The following SNX32 variants were observed in gnomAD, a reference collection of about 807,000 sequenced individuals.
The protein encoded by SNX32 is sorting nexin-32.
SNX32 carries 58 observed loss-of-function variants against 57.0 expected under a neutral mutation model. The observed-to-expected ratio is 1.02, with a 90% CI of 0.82 to 1.27. The LOEUF is 1.27. Ranked by LOEUF, SNX32 falls within the 50% of genes most tolerant of loss-of-function variation. SNX32 has a pLI of 0.00. For missense variants in SNX32, 589 were observed against 541.2 expected (o/e 1.09, Z -0.88); for synonymous variants, 262 against 220.4 (o/e 1.19, Z -1.67).
intron 2 of SNX32, 36 bp from the exon 3 acceptor site, chr11:65,849,884 C>T: frequency 6.6e-7 from 1 of 1,508,968 alleles, no homozygotes; most frequent in Non-Finnish European, 9.0e-7. Context: ...GGGCTTGGGG[C>T]AGAGAGAGGA....
Position 65,850,554 on chromosome 11 carries a change from T to C in SNX32, c.498T>C (p.Asp166=). 6.2e-7 allele frequency: 1 copy of C among 1,605,180 alleles called. No homozygotes were observed. Among genetic ancestry groups the C allele is most frequent in the Non-Finnish European group, 8.5e-7 (1 of 1,175,714 alleles). ...TTGTGTTTTTGGAATATGGACAGGA[T>C]GTGAGCTGGGCCGAATCCCTGGGGT... ...NFFVFLEYGQ[D]LSVRGKNRKE... The change falls in exon 5 of 13, where the codon GAT becomes GAC. Residue 166 remains aspartate, a splice_region_variant and synonymous_variant. Coordinates refer to ENST00000308342, the MANE Select transcript of SNX32 (RefSeq NM_152760.3).
chr11:65,848,155 G>A (rs1270584698), intron 1 of SNX32, among the ~76,000 whole-genome samples: 1 of 152,166 alleles, frequency 6.6e-6, no homozygotes, highest in African/African-American at 2.4e-5. Context: ...AGCAGAGAGA[G>A]GAGAGAGTGA....
chr11:65,844,671 A>G (rs1858938677), intron 1 of SNX32, among the ~76,000 whole-genome samples: 1 of 152,210 alleles, frequency 6.6e-6, no homozygotes, highest in Non-Finnish European at 1.5e-5. Context: ...TTAGGTCAAA[A>G]GTCCTCAAAA....
intron 9 of SNX32, 46 bp downstream of exon 9, chr11:65,851,725 CAGGGAAGATGAGTCCTGGCAG>C (rs1480045974): frequency 6.2e-7 from 1 of 1,602,170 alleles, no homozygotes; most frequent in South Asian, 1.1e-5. Context: ...GTGAGCTTTG[CAGGGAAGATGAGTCCTGGCAG>C]AGGGAAGAGC....
At position 65,852,897 on chromosome 11, in the gene SNX32, G is replaced by C. The variant is rs138424932; in HGVS notation, c.1097G>C (p.Arg366Pro). Residue 366 changes from arginine to proline, a missense_variant, in exon 12 of 13, where the codon CGG becomes CCG. Arg to Pro is a moderately radical substitution (Grantham distance 103, BLOSUM62 -2). Transcript: ENST00000308342. ...GAGCTCATGGACTTCAAGTCCCGCC[G>C]GGTCTCCTCTTTTCGAAAGAATCTC... ...KQELMDFKSR[R>P]VSSFRKNLIE... The C allele has an allele frequency of 6.2e-7, 1 of 1,614,086 alleles. No individual in the cohort carries two copies. The highest frequency in any genetic ancestry group is 1.1e-5 in the South Asian group (1 of 91,076).
At chr11:65,844,637 C>A (rs1267823030) in intron 1 of SNX32, among the ~76,000 whole-genome samples, 1 of 152,158 alleles carries the variant, frequency 6.6e-6, no homozygotes, top group Non-Finnish European at 1.5e-5. Context: ...CTAAGCAATT[C>A]TCATGCCCAA....
intron 1 of SNX32, among the ~76,000 whole-genome samples, chr11:65,837,618 G>A (rs989529139): frequency 2.0e-5 from 3 of 151,968 alleles, no homozygotes; most frequent in South Asian, 2.1e-4. Flanking sequence ...TCAGGAGTTC[G>A]AGACCAGCCT....
intron 1 of SNX32, among the ~76,000 whole-genome samples, chr11:65,848,889 T>C (rs1859076277): frequency 6.6e-6 from 1 of 152,110 alleles, no homozygotes; most frequent in African/African-American, 2.4e-5. Flanking sequence ...ATGCCTGTAA[T>C]CTCAGCACTT....
chr11:65,834,054 C>A lies in SNX32; in HGVS notation c.-12C>A. On this transcript the variant is annotated 5_prime_UTR_variant, in exon 1 of 13. Transcript: ENST00000308342. Reference sequence around the variant, plus strand: ...CGCGGGCAGTGGCCGGACGCTGAAGCCCAGGAGAGCGATGGAGACGTATGC... The same window carrying A: ...CGCGGGCAGTGGCCGGACGCTGAAGACCAGGAGAGCGATGGAGACGTATGC... 6.4e-7 allele frequency: 1 copy of A among 1,550,708 alleles called. No individual in the cohort carries two copies. The highest frequency in any genetic ancestry group is 1.2e-5 in the South Asian group (1 of 83,938).
chr11:65,840,999 G>A (rs1313291507), intron 1 of SNX32, among the ~76,000 whole-genome samples: 3 of 151,540 alleles, frequency 2.0e-5, no homozygotes, highest in Admixed American at 6.6e-5. Context: ...AGGCTGGAGT[G>A]CAATGGTGCG....
intron 1 of SNX32, among the ~76,000 whole-genome samples, chr11:65,842,715 C>T (rs1011096549): frequency 6.6e-6 from 1 of 151,086 alleles, no homozygotes; most frequent in Non-Finnish European, 1.5e-5. Context: ...TTTGGGAGAA[C>T]AAGGGGGGGT....
At chr11:65,837,627 C>T (rs1361254946) in intron 1 of SNX32, among the ~76,000 whole-genome samples, 1 of 151,958 alleles carries the variant, frequency 6.6e-6, no homozygotes, top group East Asian at 1.9e-4. Context: ...CGAGACCAGC[C>T]TGGCCAACAG....
At chr11:65,853,236 T>G in intron 12 of SNX32, 46 bp from the exon 13 acceptor site, 1 of 1,613,510 alleles carries the variant, frequency 6.2e-7, no homozygotes, top group Non-Finnish European at 8.5e-7. Flanking sequence ...AATGGCAGCC[T>G]GACTCAGGGA....
In SNX32 at chr11:65,834,108, A is replaced by T. The variant is rs1454145092; in HGVS notation, c.36+7A>T. 6.4e-7 allele frequency: 1 copy of T among 1,551,146 alleles called. No homozygotes were observed. Among genetic ancestry groups the T allele is most frequent in the South Asian group, 1.2e-5 (1 of 83,988 alleles). On this transcript the variant is annotated splice_region_variant and intron_variant, in intron 1 of 12. Transcript: ENST00000308342. ...GGTTGGGAAGGAGGGCAAGGTAGAG[A>T]AAGGATGAAGACCCCCACCCCAGCC... is the stretch of plus-strand genomic sequence containing the variant.
At chr11:65,846,678 C>A (rs182501168) in intron 1 of SNX32, among the ~76,000 whole-genome samples, 1 of 151,832 alleles carries the variant, frequency 6.6e-6, no homozygotes, top group African/African-American at 2.4e-5. Flanking sequence ...AGGAGCCTTC[C>A]GGAGTGTTTA....
chr11:65,835,061 G>A (rs753756155), intron 1 of SNX32, among the ~76,000 whole-genome samples: 2 of 150,596 alleles, frequency 1.3e-5, no homozygotes, highest in African/African-American at 2.4e-5. Flanking sequence ...TTCTATGTGT[G>A]TCTGTGTGTG....
chr11:65,844,489 C>T (rs1385554695), intron 1 of SNX32, among the ~76,000 whole-genome samples: 1 of 151,820 alleles, frequency 6.6e-6, no homozygotes, highest in Non-Finnish European at 1.5e-5. Context: ...TGACTAACGA[C>T]TCTGTGGCAA....
chr11:65,853,276 C>G lies in SNX32; in HGVS notation c.1159-6C>G, dbSNP rs369090025. On this transcript the variant is annotated splice_region_variant and splice_polypyrimidine_tract_variant and intron_variant, in intron 12 of 12. Coordinates refer to ENST00000308342, the MANE Select transcript of SNX32 (RefSeq NM_152760.3). ...GGGACTTCAAGGACCTGTTTCTCCTCTGCAGGCCAGCACCCTGATTCTCCG... is the reference window on the plus strand; with the variant it reads ...GGGACTTCAAGGACCTGTTTCTCCTGTGCAGGCCAGCACCCTGATTCTCCG... 1 of 1,613,962 alleles carries G rather than the reference C, an allele frequency of 6.2e-7. No homozygotes were observed. The highest frequency in any genetic ancestry group is 8.5e-7 in the Non-Finnish European group (1 of 1,179,980).
In SNX32 at chr11:65,838,228, G is replaced by A. The variant is rs182046478; in HGVS notation, c.36+4127G>A. Among the ~76,000 whole-genome samples the A allele has an allele frequency of 2.7e-5, 4 of 148,730 alleles. No homozygotes were observed. The East Asian group carries it at 7.8e-4, about 29-fold the overall frequency. On this transcript the variant is annotated intron_variant, in intron 1 of 12. Transcript: ENST00000308342. ...AAAGAAGGAAGGAAGGAAGGAAGGA[G>A]AAATAAAGAGGGACATTTTATAATG...
Sources: allele counts gnomAD v4.1 joint callset (sites outside exome capture counted in the v4.1 genomes callset), GRCh38; gene constraint gnomAD v4.1.1; transcripts MANE v1.5; gene names NCBI Gene and HGNC (gene_info 2026-07-23, HGNC 2026-07-21).